Variants in CTNNA2 observed in about 807,000 individuals in gnomAD.
The protein encoded by CTNNA2 is catenin alpha 2, also known as catenin alpha-2.
Under a neutral mutation model 101.0 loss-of-function variants are expected in CTNNA2, and 42 were observed. The observed-to-expected ratio is 0.42, with a 90% CI of 0.32 to 0.54. The LOEUF (loss-of-function observed/expected upper bound fraction) is 0.54, where lower values mean the gene tolerates loss of function less well. CTNNA2 is among the 20% of genes least tolerant of loss of function. The pLI is 0.14. For missense variants in CTNNA2, 871 were observed against 1,223.1 expected (o/e 0.71, Z 4.29); for synonymous variants, 450 against 456.4 (o/e 0.99, Z 0.18).
At position 79,739,071 on chromosome 2, in the gene CTNNA2, GT is replaced by G. The variant is rs76673709; in HGVS notation, c.103-5302del. ...CAGTTTTTGTTGCAGGGACTTTGCT[GT>G]TTTTTTTTTTTTTCTTTTTTTTCCA... On this transcript the variant is annotated intron_variant, in intron 2 of 18. Coordinates refer to ENST00000402739, the MANE Select transcript of CTNNA2 (RefSeq NM_001282597.3). Among the ~76,000 whole-genome samples, 1,207 of 133,698 alleles carry G rather than the reference GT, an allele frequency of 9.0e-3. 10 individuals are homozygous for G. The highest frequency in any genetic ancestry group is 0.026 in the African/African-American group (947 of 36,816). 87.7% of individuals were successfully genotyped at this position (133,698 alleles called of 152,430 possible).
At chr2:79,827,341 T>C (rs1193040221) in intron 3 of CTNNA2, among the ~76,000 whole-genome samples, 2 of 152,200 alleles carry the variant, frequency 1.3e-5, no homozygotes, top group East Asian at 3.9e-4. Flanking sequence ...CCCGGCCAGA[T>C]TGTAATTTTT....
chr2:80,521,905 A>C (rs1445498865), intron 9 of CTNNA2, among the ~76,000 whole-genome samples: 1 of 152,234 alleles, frequency 6.6e-6, no homozygotes, highest in Non-Finnish European at 1.5e-5. Context: ...ACTTCAGAAG[A>C]AGCAGAAAAG....
At chr2:79,192,707 C>T (rs898242415) in intron 1 of CTNNA2, among the ~76,000 whole-genome samples, 29 of 152,152 alleles carry the variant, frequency 1.9e-4, no homozygotes, top group Admixed American at 1.9e-3. Flanking sequence ...TGATGAATGA[C>T]AGATGCTGTG....
intron 2 of CTNNA2, among the ~76,000 whole-genome samples, chr2:79,702,966 G>A (rs1320362591): frequency 3.3e-5 from 5 of 152,158 alleles, no homozygotes; most frequent in Non-Finnish European, 5.9e-5. Flanking sequence ...AGGCCAGTGG[G>A]TATTACTGGT....
chr2:80,640,704 A>T (rs1302027313), intron 18 of CTNNA2, among the ~76,000 whole-genome samples: 1 of 152,232 alleles, frequency 6.6e-6, no homozygotes, highest in Non-Finnish European at 1.5e-5. Flanking sequence ...TTGGAGGATA[A>T]TAGGCTCCAA....
intron 18 of CTNNA2, among the ~76,000 whole-genome samples, chr2:80,641,971 A>G (rs917360337): frequency 3.4e-4 from 51 of 152,156 alleles, no homozygotes; most frequent in African/African-American, 1.2e-3. Flanking sequence ...AATTGGGAAG[A>G]TCAATATAAG....
At chr2:79,480,675 G>C (rs981505505) in intron 4 of CTNNA2, among the ~76,000 whole-genome samples, 1 of 151,912 alleles carries the variant, frequency 6.6e-6, no homozygotes, top group African/African-American at 2.4e-5. Flanking sequence ...TATCCATTCT[G>C]CTCACTGTGT....
At chr2:80,316,890 A>T (rs961926714) in intron 7 of CTNNA2, among the ~76,000 whole-genome samples, 1 of 152,194 alleles carries the variant, frequency 6.6e-6, no homozygotes, top group African/African-American at 2.4e-5. Context: ...GATTAATAAG[A>T]TAATTTTAGG....
At chr2:79,912,310 G>A (rs900182180) in intron 7 of CTNNA2, among the ~76,000 whole-genome samples, 2 of 152,216 alleles carry the variant, frequency 1.3e-5, no homozygotes. Context: ...GGAGACAGAG[G>A]TTGTGGAGAG....
chr2:80,079,267 G>C (rs1698960941), intron 7 of CTNNA2, among the ~76,000 whole-genome samples: 1 of 152,134 alleles, frequency 6.6e-6, no homozygotes, highest in African/African-American at 2.4e-5. Flanking sequence ...AGACAATATG[G>C]CTGCCTGATA....
At chr2:79,479,160 C>T (rs1573185347) in intron 4 of CTNNA2, among the ~76,000 whole-genome samples, 2 of 152,144 alleles carry the variant, frequency 1.3e-5, no homozygotes, top group Non-Finnish European at 2.9e-5. Flanking sequence ...AAACTCAATG[C>T]ATTTAAAATT....
At chr2:80,485,831 A>G (rs898800447) in intron 9 of CTNNA2, among the ~76,000 whole-genome samples, 6 of 152,184 alleles carry the variant, frequency 3.9e-5, no homozygotes, top group African/African-American at 9.7e-5. Context: ...GGTACATTCA[A>G]TCACTCTCTA....
At chr2:80,368,602 A>G (rs1306105564) in intron 7 of CTNNA2, among the ~76,000 whole-genome samples, 1 of 152,004 alleles carries the variant, frequency 6.6e-6, no homozygotes, top group Non-Finnish European at 1.5e-5. Context: ...AGCCTGATTG[A>G]TCTATTTTGT....
intron 2 of CTNNA2, among the ~76,000 whole-genome samples, chr2:79,713,532 C>A (rs1345175999): frequency 6.6e-6 from 1 of 152,170 alleles, no homozygotes; most frequent in East Asian, 1.9e-4. Flanking sequence ...AAAACTCACC[C>A]AAATCCCTGC....
At position 80,190,275 on chromosome 2, in the gene CTNNA2, G is replaced by A. The variant is rs890153451; in HGVS notation, c.1057-202936G>A. Among the ~76,000 whole-genome samples the A allele has an allele frequency of 2.6e-5, 4 of 152,046 alleles. No individual in the cohort carries two copies. The East Asian group carries it at 7.8e-4, about 30-fold the overall frequency. On this transcript the variant is annotated intron_variant, in intron 7 of 18. Transcript: ENST00000402739. Reference sequence around the variant, plus strand: ...GAGAGTCCAGTGGTGGTGGGCTGGAGAGGAAAACCATCTTACCTGCAGAAG... The same window carrying A: ...GAGAGTCCAGTGGTGGTGGGCTGGAAAGGAAAACCATCTTACCTGCAGAAG...
intron 1 of CTNNA2, among the ~76,000 whole-genome samples, chr2:79,610,304 C>G (rs1157237725): frequency 1.3e-5 from 2 of 152,072 alleles, no homozygotes; most frequent in African/African-American, 4.8e-5. Context: ...TTCTACTCCC[C>G]TTTCCCACAG....
chr2:79,550,098 G>A (rs1160459053), intron 1 of CTNNA2, among the ~76,000 whole-genome samples: 1 of 152,074 alleles, frequency 6.6e-6, no homozygotes, highest in East Asian at 1.9e-4. Flanking sequence ...GAGGGAGGGG[G>A]CACAATAATG....
At chr2:79,288,646 C>T (rs1675695589) in intron 2 of CTNNA2, among the ~76,000 whole-genome samples, 1 of 152,142 alleles carries the variant, frequency 6.6e-6, no homozygotes. Context: ...CTAGCTTAAG[C>T]TTCCTCATAC....
At chr2:80,336,010 T>G (rs1478868797) in intron 7 of CTNNA2, among the ~76,000 whole-genome samples, 1 of 152,324 alleles carries the variant, frequency 6.6e-6, no homozygotes, top group African/African-American at 2.4e-5. Context: ...TTATGAAAAC[T>G]TTTTAATGTA....
Sources: gnomAD v4.1 joint callset for allele counts (sites outside exome capture counted in the v4.1 genomes callset) on GRCh38, gnomAD v4.1.1 for gene constraint, MANE v1.5 for transcripts, NCBI Gene and HGNC (gene_info 2026-07-23, HGNC 2026-07-21) for gene names.